Variants in RIMS2 observed in about 807,000 individuals in gnomAD.
The protein encoded by RIMS2 is regulating synaptic membrane exocytosis protein 2.
RIMS2 carries 59 observed loss-of-function variants against 174.4 expected under a neutral mutation model. The ratio of observed to expected loss-of-function variants is 0.34; its 90% CI spans 0.27 to 0.42. The LOEUF (loss-of-function observed/expected upper bound fraction) is 0.42, where lower values mean the gene tolerates loss of function less well. Ranked by LOEUF, RIMS2 falls within the 10% of genes least tolerant of loss-of-function variation. The pLI is 1.00. For synonymous variants in RIMS2, 606 were observed against 572.5 expected (o/e 1.06, Z -0.84); for missense variants, 1,620 against 1,666.3 (o/e 0.97, Z 0.48).
chr8:103,976,166 A>T (rs916974591), intron 16 of RIMS2: 1 of 152,236 alleles, frequency 6.6e-6, no homozygotes, highest in Non-Finnish European at 1.5e-5. Flanking sequence ...AATAATCTCT[A>T]AAGATAAGAG....
chr8:103,800,476 T>C (rs897879179), intron 3 of RIMS2, among the ~76,000 whole-genome samples: 1 of 152,210 alleles, frequency 6.6e-6, no homozygotes, highest in Non-Finnish European at 1.5e-5. Flanking sequence ...TTTCCATAGA[T>C]GTCCTTTATT....
chr8:103,637,566 G>A (rs1372705268), intron 1 of RIMS2, among the ~76,000 whole-genome samples: 1 of 152,026 alleles, frequency 6.6e-6, no homozygotes, highest in East Asian at 1.9e-4. Context: ...TTTGTGGGAA[G>A]GTTTTTTGTT....
At chr8:103,910,153 G>T in exon 5 of RIMS2, 1 of 1,611,518 alleles carries the variant, frequency 6.2e-7, no homozygotes, top group East Asian at 2.2e-5. Flanking sequence ...ATTACAACTG[G>T]TTGGATCATA....
At chr8:104,206,609 A>G (rs1486815132) in intron 19 of RIMS2, among the ~76,000 whole-genome samples, 1 of 152,176 alleles carries the variant, frequency 6.6e-6, no homozygotes, top group Non-Finnish European at 1.5e-5. Context: ...ACAACAACCT[A>G]TTGGGTTATT....
intron 19 of RIMS2, among the ~76,000 whole-genome samples, chr8:104,046,915 ATATTT>A (rs141478205): frequency 0.13 from 19,369 of 152,032 alleles, 1,664 homozygotes; most frequent in Non-Finnish European, 0.19. Flanking sequence ...TTAAGCTTAA[ATATTT>A]TATTAAGTAT....
At chr8:103,536,617 T>G (rs189649436) in intron 1 of RIMS2, among the ~76,000 whole-genome samples, 1 of 152,270 alleles carries the variant, frequency 6.6e-6, no homozygotes, top group African/African-American at 2.4e-5. Context: ...AGGCACATCT[T>G]GCATGGCCAG....
intron 19 of RIMS2, among the ~76,000 whole-genome samples, chr8:104,243,554 T>C (rs1296383557): frequency 6.6e-6 from 1 of 151,906 alleles, no homozygotes; most frequent in Non-Finnish European, 1.5e-5. Flanking sequence ...GGCATGGTGG[T>C]GGTCACCTGT....
chr8:104,251,857 T>TCC, exon 24 of RIMS2: 2 of 673,546 alleles, frequency 3.0e-6, no homozygotes, highest in Admixed American at 5.1e-5. Context: ...CAACCAGCGT[T>TCC]ACAAAAAAAA....
chr8:103,699,096 C>T (rs554633692), intron 2 of RIMS2, among the ~76,000 whole-genome samples: 12 of 152,150 alleles, frequency 7.9e-5, no homozygotes, highest in Non-Finnish European at 1.8e-4. Context: ...TTGTCTAGTT[C>T]CTCATAAATA....
chr8:104,124,486 G>T (rs1466641991), intron 19 of RIMS2, among the ~76,000 whole-genome samples: 2 of 152,044 alleles, frequency 1.3e-5, no homozygotes, highest in Non-Finnish European at 2.9e-5. Context: ...GTTCTCAAAT[G>T]GTTTTTGTCA....
At chr8:103,782,020 T>A (rs1345290974) in intron 3 of RIMS2, among the ~76,000 whole-genome samples, 1 of 151,958 alleles carries the variant, frequency 6.6e-6, no homozygotes, top group Non-Finnish European at 1.5e-5. Flanking sequence ...AGTGCTTGGA[T>A]TAAAAGCATG....
intron 1 of RIMS2, among the ~76,000 whole-genome samples, chr8:103,516,279 G>T (rs1828914946): frequency 6.6e-6 from 1 of 151,930 alleles, no homozygotes; most frequent in African/African-American, 2.4e-5. Context: ...AAGAATTATA[G>T]GAGTACAGGA....
chr8:104,059,981 A>G (rs1378432822), intron 19 of RIMS2, among the ~76,000 whole-genome samples: 2 of 151,868 alleles, frequency 1.3e-5, no homozygotes, highest in Non-Finnish European at 1.5e-5. Context: ...CCAGTATTTT[A>G]TTGAGGATTT....
chr8:103,968,092 C>A (rs2092355887), intron 15 of RIMS2, among the ~76,000 whole-genome samples: 1 of 152,014 alleles, frequency 6.6e-6, no homozygotes, highest in Non-Finnish European at 1.5e-5. Context: ...AACTCCTGAC[C>A]TTAGGTGATC....
At chr8:104,102,581 C>G (rs2097923185) in intron 19 of RIMS2, among the ~76,000 whole-genome samples, 1 of 152,080 alleles carries the variant, frequency 6.6e-6, no homozygotes, top group Non-Finnish European at 1.5e-5. Context: ...ATACCTGAGA[C>G]TGGATAATTT....
chr8:103,597,396 G>T (rs2094519585), intron 1 of RIMS2, among the ~76,000 whole-genome samples: 1 of 152,026 alleles, frequency 6.6e-6, no homozygotes, highest in East Asian at 1.9e-4. Flanking sequence ...TTCCTCTTGT[G>T]TCCCTGTTTA....
intron 19 of RIMS2, among the ~76,000 whole-genome samples, chr8:104,053,550 C>T (rs1290817856): frequency 2.6e-5 from 4 of 152,124 alleles, no homozygotes; most frequent in South Asian, 2.1e-4. Context: ...TTTTATTGTG[C>T]ATTTTCTCAA....
At position 104,128,693 on chromosome 8, in the gene RIMS2, A is replaced by G. The variant is rs186987366; in HGVS notation, c.3334+114078A>G. Among the ~76,000 whole-genome samples the G allele has an allele frequency of 4.3e-4, 66 of 152,270 alleles. 3 individuals are homozygous for G. In the East Asian group the frequency reaches 0.011, roughly 25 times the overall value. ...GCCTGGGCAACAAGAGCGAAACTCC[A>G]TCACAAAAAAATAAAAAATAAAAAA... On this transcript the variant is annotated intron_variant, in intron 19 of 23. Coordinates refer to ENST00000504942, the Ensembl canonical transcript of RIMS2.
At chr8:103,527,946 G>A (rs756857143) in intron 1 of RIMS2, among the ~76,000 whole-genome samples, 1 of 152,188 alleles carries the variant, frequency 6.6e-6, no homozygotes, top group Non-Finnish European at 1.5e-5. Context: ...TCTGGTTCTA[G>A]ATCCTTGAGG....
Sources: allele counts gnomAD v4.1 joint callset (sites outside exome capture counted in the v4.1 genomes callset), GRCh38; gene constraint gnomAD v4.1.1; transcripts MANE v1.5; gene names NCBI Gene and HGNC (gene_info 2026-07-23, HGNC 2026-07-21).